TAX1BP3: variants seen among roughly 807,000 people sequenced by gnomAD.
TAX1BP3 encodes the protein Tax1 binding protein 3.
Under a neutral mutation model 15.3 loss-of-function variants are expected in TAX1BP3, and 13 were observed. The ratio of observed to expected loss-of-function variants is 0.85; its 90% CI spans 0.55 to 1.35. TAX1BP3 has a LOEUF of 1.35. Among genes scored for constraint, TAX1BP3 ranks in the 40% most tolerant of loss-of-function variants. TAX1BP3 has a pLI of 0.00. For synonymous variants in TAX1BP3, 70 were observed against 66.0 expected (o/e 1.06, Z -0.30); for missense variants, 147 against 169.6 (o/e 0.87, Z 0.74).
chr17:3,665,099 T>C, intron 1 of TAX1BP3: 1 of 705,468 alleles, frequency 1.4e-6, no homozygotes, highest in Non-Finnish European at 2.5e-6. Context: ...CTGTGGCTTC[T>C]GTAGGTGGGA....
chr17:3,668,560 G>T lies in TAX1BP3; in HGVS notation c.-34C>A. The T allele has an allele frequency of 6.3e-7, 1 of 1,585,182 alleles. No individual in the cohort carries two copies. Among genetic ancestry groups the T allele is most frequent in the Admixed American group, 1.8e-5 (1 of 56,170 alleles). On this transcript the variant is annotated 5_prime_UTR_variant, in exon 1 of 4. Transcript: ENST00000225525. This position sits in a 1 kb window ranked among gnomAD's most constrained non-coding sequence, Gnocchi z 4.1. ...TGCTCTGGTCGCCCAGCGCCGCTCCGAGAAGCCGGCAGCAGAGTACCCGCG... is the reference window on the plus strand; with the variant it reads ...TGCTCTGGTCGCCCAGCGCCGCTCCTAGAAGCCGGCAGCAGAGTACCCGCG...
chr17:3,665,435 T>C (rs2076329557), intron 1 of TAX1BP3: 2 of 1,440,950 alleles, frequency 1.4e-6, no homozygotes, highest in South Asian at 2.3e-5. Context: ...AGCATGCTGT[T>C]GGCATTGTTG....
rs2076364903 is a variant in TAX1BP3 at position 3,668,389 on chromosome 17, C to T, written c.39+99G>A. ...CCTTGCCGCCGGTTCGCAGGAGCCC[C>T]GGGTTCGATGCTCTGTCAACCTGCT... On this transcript the variant is annotated intron_variant, in intron 1 of 3. Transcript: ENST00000225525. This position sits in a 1 kb window ranked among gnomAD's most constrained non-coding sequence, Gnocchi z 4.1. 6.8e-7 allele frequency: 1 copy of T among 1,461,518 alleles called. No individual in the cohort carries two copies. Among genetic ancestry groups the T allele is most frequent in the Non-Finnish European group, 9.2e-7 (1 of 1,088,862 alleles). The allele number at this position is 1,461,518 out of a possible 1,614,324, so 90.5% of individuals were successfully genotyped here.
intron 1 of TAX1BP3, among the ~76,000 whole-genome samples, chr17:3,666,169 A>G (rs562952137): frequency 2.5e-4 from 38 of 152,358 alleles, no homozygotes; most frequent in African/African-American, 9.1e-4. Context: ...ACCACAATCT[A>G]GACTAGACCT....
chr17:3,665,740 TCCAAAAA>T lies in TAX1BP3; in HGVS notation c.40-949_40-943del, dbSNP rs1269693078. ...AAAAAAAAATAAAGGATCTCTGGGC[TCCAAAAA>T]AAAAAAAAAAAAAAAAAAGAAAGGA... On this transcript the variant is annotated intron_variant, in intron 1 of 3. Transcript: ENST00000225525. 6.1e-3 allele frequency: 707 copies of T among 115,488 alleles called. 2 individuals carry two copies. The highest frequency in any genetic ancestry group is 0.013 in the East Asian group (94 of 7,204). 7.2% of individuals were successfully genotyped at this position (115,488 alleles called of 1,614,324 possible).
chr17:3,663,592 G>C lies in TAX1BP3; in HGVS notation c.*156C>G, dbSNP rs746781689. ...CCCAGAGGCCCCAGGCCAGGGATGG[G>C]AGAAGGGAAGGAAGGCCAGGCCAGG... On this transcript the variant is annotated 3_prime_UTR_variant, in exon 4 of 4. Coordinates refer to ENST00000225525, the MANE Select transcript of TAX1BP3 (RefSeq NM_014604.4). The C allele has an allele frequency of 4.2e-4, 488 of 1,149,156 alleles. 1 individual carries two copies. Among genetic ancestry groups the C allele is most frequent in the Middle Eastern group, 6.1e-4 (2 of 3,288 alleles). The allele number at this position is 1,149,156 out of a possible 1,614,324, so 71.2% of individuals were successfully genotyped here.
intron 1 of TAX1BP3, chr17:3,665,650 A>G (rs907777233): frequency 1.4e-5 from 16 of 1,113,440 alleles, no homozygotes; most frequent in Middle Eastern, 2.3e-4. Context: ...GTGAGAACCA[A>G]CGGGAAGGCG....
chr17:3,662,904 G>C lies in TAX1BP3; in HGVS notation c.*844C>G, dbSNP rs1396394786. On this transcript the variant is annotated 3_prime_UTR_variant, in exon 4 of 4. Coordinates refer to ENST00000225525, the MANE Select transcript of TAX1BP3 (RefSeq NM_014604.4). ...TCAGCAAAGCCCCCTGTGAATTCCAGCATTTTTATTGAGCGCACCACATCG... is the reference window on the plus strand; with the variant it reads ...TCAGCAAAGCCCCCTGTGAATTCCACCATTTTTATTGAGCGCACCACATCG... 5.9e-5 allele frequency: 9 copies of C among 152,190 alleles called. No homozygotes were observed. Among genetic ancestry groups the C allele is most frequent in the Non-Finnish European group, 1.3e-4 (9 of 68,036 alleles). The allele number at this position is 152,190 out of a possible 1,614,324, so 9.4% of individuals were successfully genotyped here.
chr17:3,664,099 C>T, intron 3 of TAX1BP3, 96 bp downstream of exon 3: 1 of 1,541,162 alleles, frequency 6.5e-7, no homozygotes, highest in Non-Finnish European at 8.9e-7. Context: ...TGCAGTGAGT[C>T]TCTCCCAGCT....
chr17:3,666,697 C>T (rs1455989984), intron 1 of TAX1BP3, among the ~76,000 whole-genome samples: 3 of 152,136 alleles, frequency 2.0e-5, no homozygotes, highest in Non-Finnish European at 4.4e-5. Context: ...GAGGGAGAGG[C>T]CAGACCATAC....
chr17:3,664,345 T>A, intron 2 of TAX1BP3, 73 bp from the exon 3 acceptor site: 8 of 1,556,768 alleles, frequency 5.1e-6, no homozygotes, highest in Non-Finnish European at 7.1e-6. Flanking sequence ...GAAGCCAGCA[T>A]GGCACATTCT....
chr17:3,663,748 C>T lies in TAX1BP3; in HGVS notation c.375G>A (p.Ter125=), dbSNP rs1338228520. ...QKAVQQSMLS[*] ...CAGGAGTCGCAGATGGTGGTGGCTG[C>T]TAGGACAGCATGGACTGCTGCACGG... Residue 125 remains the stop codon, a stop_retained_variant, in exon 4 of 4, where the codon TAG becomes TAA. Transcript: ENST00000225525. The T allele has an allele frequency of 1.9e-6, 3 of 1,601,688 alleles. No individual in the cohort carries two copies. In the Admixed American group the frequency reaches 5.0e-5, roughly 27 times the overall value.
At chr17:3,664,484 C>T in intron 2 of TAX1BP3, 195 bp downstream of exon 2, 2 of 954,612 alleles carry the variant, frequency 2.1e-6, no homozygotes, top group Non-Finnish European at 3.2e-6. Context: ...CCTCCTGCTC[C>T]TCCTGGGCTC....
Position 3,664,712 on chromosome 17 carries a change from G to A in TAX1BP3, c.126C>T (p.Ser42=). ...TCTTGTCTTCAGAGAAGGGATTCTG[G>A]GAAGGATCCTGGTCGATTCCACCTC... ...SIGGGIDQDP[S]QNPFSEDKTD... Residue 42 remains serine, a synonymous_variant, in exon 2 of 4, where the codon TCC becomes TCT. Coordinates refer to ENST00000225525, the MANE Select transcript of TAX1BP3 (RefSeq NM_014604.4). 6.2e-7 allele frequency: 1 copy of A among 1,613,834 alleles called. No individual in the cohort carries two copies. The highest frequency in any genetic ancestry group is 8.5e-7 in the Non-Finnish European group (1 of 1,179,922).
intron 1 of TAX1BP3, chr17:3,665,253 G>A (rs540922595): frequency 1.8e-5 from 25 of 1,382,090 alleles, no homozygotes; most frequent in South Asian, 2.3e-5. Flanking sequence ...GAGAGGCACC[G>A]GATATATGTT....
At chr17:3,666,114 C>T (rs1222431724) in intron 1 of TAX1BP3, among the ~76,000 whole-genome samples, 1 of 152,216 alleles carries the variant, frequency 6.6e-6, no homozygotes, top group Non-Finnish European at 1.5e-5. Flanking sequence ...CAGATCACTC[C>T]CAAAGTCAAG....
At chr17:3,666,108 T>A (rs546334354) in intron 1 of TAX1BP3, among the ~76,000 whole-genome samples, 19 of 152,254 alleles carry the variant, frequency 1.2e-4, no homozygotes, top group African/African-American at 4.6e-4. Context: ...CCAGACCAGA[T>A]CACTCCCAAA....
intron 1 of TAX1BP3, among the ~76,000 whole-genome samples, chr17:3,666,383 G>C (rs1202793900): frequency 6.6e-6 from 1 of 151,862 alleles, no homozygotes; most frequent in Non-Finnish European, 1.5e-5. Context: ...GGGGGACATG[G>C]AGCTACCTGA....
chr17:3,663,960 C>T, intron 3 of TAX1BP3, 75 bp from the exon 4 acceptor site: 1 of 1,553,334 alleles, frequency 6.4e-7, no homozygotes, highest in Non-Finnish European at 8.7e-7. Flanking sequence ...GCTTTGGGGG[C>T]CCAGGTCATT....
Sources: allele counts gnomAD v4.1 joint callset (sites outside exome capture counted in the v4.1 genomes callset), GRCh38; gene constraint gnomAD v4.1.1; non-coding constraint Gnocchi (gnomAD v3.1); transcripts MANE v1.5; gene names NCBI Gene and HGNC (gene_info 2026-07-23, HGNC 2026-07-21).